Variants in ZRANB1 observed in about 807,000 individuals in gnomAD.
The protein encoded by ZRANB1 is ubiquitin thioesterase ZRANB1.
A neutral mutation model predicts 80.5 loss-of-function variants in ZRANB1; 16 were observed. That is an observed-to-expected ratio of 0.20 (90% CI 0.13 to 0.30). The LOEUF (loss-of-function observed/expected upper bound fraction) is 0.30. Ranked by LOEUF, ZRANB1 falls within the 10% of genes least tolerant of loss-of-function variation. The pLI is 1.00. For synonymous variants in ZRANB1, 291 were observed against 293.1 expected, an observed-to-expected ratio of 0.99 and a Z score of 0.07; for missense variants, 576 against 862.6, an observed-to-expected ratio of 0.67 and a Z score of 4.16.
At chr10:124,956,037 A>C (rs894592789) in intron 1 of ZRANB1, among the ~76,000 whole-genome samples, 4 of 152,232 alleles carry the variant, frequency 2.6e-5, no homozygotes, top group African/African-American at 9.6e-5. Context: ...TCTGAGACGT[A>C]GTTCTCGGCT....
rs746481115 is a variant in ZRANB1, at chr10:124,986,213, T to C, written c.*1221T>C. The C allele has an allele frequency of 1.3e-5, 2 of 152,180 alleles. No individual in the cohort carries two copies. The highest frequency in any genetic ancestry group is 2.9e-5 in the Non-Finnish European group (2 of 67,968). The allele number at this position is 152,180 out of a possible 1,614,324, so 9.4% of individuals were successfully genotyped here. A position where few individuals can be genotyped will look rare whatever the true frequency, so the allele number is the denominator to read the frequency against. On this transcript the variant is annotated 3_prime_UTR_variant, in exon 9 of 9. Coordinates refer to ENST00000359653, the MANE Select transcript of ZRANB1 (RefSeq NM_017580.3). Reference sequence around the variant, plus strand: ...ACCTATCTCAGGAACACAGAAATATTTGGTGTCCTGATAAGCACTTTCTAG... The same window carrying C: ...ACCTATCTCAGGAACACAGAAATATCTGGTGTCCTGATAAGCACTTTCTAG...
chr10:124,976,802 G>A (rs935551698), intron 5 of ZRANB1, among the ~76,000 whole-genome samples: 1 of 151,170 alleles, frequency 6.6e-6, no homozygotes, highest in African/African-American at 2.4e-5. Context: ...GAACTCCTGA[G>A]CTCAGGCAGT....
chr10:124,964,053 G>A (rs1304512473), intron 1 of ZRANB1, among the ~76,000 whole-genome samples: 1 of 152,224 alleles, frequency 6.6e-6, no homozygotes, highest in African/African-American at 2.4e-5. Flanking sequence ...TGGGCAGTAT[G>A]CCCGTTTGTA....
intron 5 of ZRANB1, among the ~76,000 whole-genome samples, chr10:124,977,266 G>A (rs1004091044): frequency 1.3e-5 from 2 of 149,248 alleles, no homozygotes; most frequent in Non-Finnish European, 1.5e-5. Context: ...AGCTACTACT[G>A]CACCTGGCCT....
the ZRANB1 span, among the ~76,000 whole-genome samples, chr10:124,928,249 A>G: frequency 6.6e-6 from 1 of 152,158 alleles, no homozygotes; most frequent in African/African-American, 2.4e-5. Context: ...ATTACATGTC[A>G]TCTTTAGGGA....
In ZRANB1 at chr10:124,984,931, A is replaced by G; in HGVS notation, c.2066A>G (p.Gln689Arg). The change falls in exon 9 of 9, where the codon CAG becomes CGG. Residue 689 changes from glutamine to arginine, a missense_variant. Coordinates refer to ENST00000359653, the MANE Select transcript of ZRANB1 (RefSeq NM_017580.3). ...MVEKWLDRYR[Q>R]IRPCTSLSDG... ...GAAAAATGGCTTGACCGCTACCGACAGATCCGGCCGTGTACATCCCTGTCT... is the reference window on the plus strand; with the variant it reads ...GAAAAATGGCTTGACCGCTACCGACGGATCCGGCCGTGTACATCCCTGTCT... 6.2e-7 allele frequency: 1 copy of G among 1,614,064 alleles called. No homozygotes were observed. The highest frequency in any genetic ancestry group is 8.5e-7 in the Non-Finnish European group (1 of 1,180,014).
In ZRANB1 at chr10:124,959,860, C is replaced by A. The variant is rs191336306; in HGVS notation, c.815-6734C>A. On this transcript the variant is annotated intron_variant, in intron 1 of 8. Transcript: ENST00000359653. ...AGGGAGCAACACTTGAGATGGCAGA[C>A]CAGTAGAGTAAATGATAGCAACTTA... Among the ~76,000 whole-genome samples, 715 of 151,880 alleles carry A rather than the reference C, an allele frequency of 4.7e-3. 1 individual carries two copies. Among genetic ancestry groups the A allele is most frequent in the Non-Finnish European group, 7.2e-3 (489 of 67,900 alleles).
At chr10:124,918,155 G>A in the ZRANB1 span, among the ~76,000 whole-genome samples, 97 of 152,266 alleles carry the variant, frequency 6.4e-4, no homozygotes, top group South Asian at 1.7e-3. Flanking sequence ...TAAATCTAAT[G>A]TGCAAAAATA....
chr10:124,936,564 A>G, the ZRANB1 span, among the ~76,000 whole-genome samples: 1 of 152,198 alleles, frequency 6.6e-6, no homozygotes, highest in African/African-American at 2.4e-5. Flanking sequence ...TTTGTAGATA[A>G]AGGGTTTTAC....
At chr10:124,981,392 C>CTTT (rs71029230) in intron 5 of ZRANB1, 12 of 160,042 alleles carry the variant, frequency 7.5e-5, no homozygotes, top group South Asian at 2.9e-4. Flanking sequence ...TTTCAGATGA[C>CTTT]TTTTTTTTTT....
intron 2 of ZRANB1, among the ~76,000 whole-genome samples, chr10:124,968,377 G>A (rs1023701797): frequency 3.9e-5 from 6 of 152,190 alleles, no homozygotes; most frequent in Admixed American, 3.9e-4. Flanking sequence ...AAATTTGAAG[G>A]TTAGATGGAA....
In ZRANB1 at chr10:124,983,363, A is replaced by G; in HGVS notation, c.1678+59A>G. 1 of 1,602,206 alleles carries G rather than the reference A, an allele frequency of 6.2e-7. No individual in the cohort carries two copies. The highest frequency in any genetic ancestry group is 1.7e-5 in the Admixed American group (1 of 59,236). ...CTTTGAACGGAATGGCTCAGATGTC[A>G]GGAAGGAGCAGTGGACAGGGGAATG... On this transcript the variant is annotated intron_variant, in intron 7 of 8. Transcript: ENST00000359653. The surrounding 1 kb of genome is among the most constrained non-coding windows in gnomAD (Gnocchi z 6.2).
chr10:124,937,118 A>G, the ZRANB1 span, among the ~76,000 whole-genome samples: 1 of 151,568 alleles, frequency 6.6e-6, no homozygotes, highest in East Asian at 1.9e-4. Flanking sequence ...ATTTGAAACT[A>G]CTGGCAATTG....
the ZRANB1 span, among the ~76,000 whole-genome samples, chr10:124,936,454 T>C: frequency 6.6e-6 from 1 of 152,170 alleles, no homozygotes; most frequent in Non-Finnish European, 1.5e-5. Context: ...GTGTCATTAA[T>C]GGAAACTGGA....
At chr10:124,925,582 GT>G in the ZRANB1 span, among the ~76,000 whole-genome samples, 1 of 152,176 alleles carries the variant, frequency 6.6e-6, no homozygotes, top group East Asian at 1.9e-4. Context: ...AAGCACAAAA[GT>G]TTTTAATTTG....
intron 1 of ZRANB1, among the ~76,000 whole-genome samples, chr10:124,966,195 G>T (rs1037987620): frequency 6.6e-6 from 1 of 152,140 alleles, no homozygotes; most frequent in Admixed American, 6.6e-5. Context: ...CTCAACACCA[G>T]CTGGAAGCAC....
rs751657386 is a variant in ZRANB1, at chr10:124,984,956, T to C, written c.2091T>C (p.Ser697=). Residue 697 remains serine, a synonymous_variant, in exon 9 of 9, where the codon TCT becomes TCC. Transcript: ENST00000359653. Reference sequence around the variant, plus strand: ...AGATCCGGCCGTGTACATCCCTGTCTGATGGAGAGGAAGATGAGGATGATG... The same window carrying C: ...AGATCCGGCCGTGTACATCCCTGTCCGATGGAGAGGAAGATGAGGATGATG... ...YRQIRPCTSL[S]DGEEDEDDED... 3.1e-6 allele frequency: 5 copies of C among 1,613,316 alleles called. No homozygotes were observed. The highest frequency in any genetic ancestry group is 3.4e-6 in the Non-Finnish European group (4 of 1,179,876).
At chr10:124,972,152 T>G in intron 3 of ZRANB1, 34 bp downstream of exon 3, 1 of 1,595,450 alleles carries the variant, frequency 6.3e-7, no homozygotes, top group Non-Finnish European at 8.5e-7. Context: ...AAGACTTTTT[T>G]ATTTTATTAT....
At chr10:124,984,553 A>G in intron 8 of ZRANB1, 1 of 531,462 alleles carries the variant, frequency 1.9e-6, no homozygotes. Flanking sequence ...GCTCCTCTTT[A>G]GTTTTTTTCT....
Sources: allele counts gnomAD v4.1 joint callset (sites outside exome capture counted in the v4.1 genomes callset), GRCh38; gene constraint gnomAD v4.1.1; non-coding constraint Gnocchi (gnomAD v3.1); transcripts MANE v1.5; gene names NCBI Gene and HGNC (gene_info 2026-07-23, HGNC 2026-07-21).